The following SHROOM2 variants were observed in gnomAD, a reference collection of about 807,000 sequenced individuals.
SHROOM2 encodes shroom family member 2, also known as protein Shroom2.
SHROOM2 carries 33 observed loss-of-function variants against 75.9 expected under a neutral mutation model. That is an observed-to-expected ratio of 0.43 (90% CI 0.33 to 0.58). The LOEUF is 0.58. SHROOM2 is among the 20% of genes least tolerant of loss of function. The pLI is 0.04. For missense variants in SHROOM2, 1,434 were observed against 1,461.2 expected (o/e 0.98, Z 0.30); for synonymous variants, 655 against 663.6 (o/e 0.99, Z 0.20).
At position 9,876,803 on chromosome X, in the gene SHROOM2, C is replaced by T. The variant is rs376670275; in HGVS notation, c.317+3000C>T. ...CATCTCTGTGTAAAGCACAGGAATC[C>T]GTGGTTTTTTGTTTGTTAAAGACAG... On this transcript the variant is annotated intron_variant, in intron 2 of 9. Transcript: ENST00000380913. Among the ~76,000 whole-genome samples the T allele has an allele frequency of 2.1e-4, 23 of 112,111 alleles. 1 individual carries two copies. In the East Asian group the frequency reaches 3.1e-3, roughly 15 times the overall value.
At chrX:9,883,429 G>A (rs1158126032) in intron 2 of SHROOM2, among the ~76,000 whole-genome samples, 1 of 111,929 alleles carries the variant, frequency 8.9e-6, no homozygotes, top group Non-Finnish European at 1.9e-5. Context: ...CCAGCACCCA[G>A]TGGCTCACAC....
At chrX:9,944,267 C>G (rs1178988663) in intron 8 of SHROOM2, among the ~76,000 whole-genome samples, 1 of 112,198 alleles carries the variant, frequency 8.9e-6, no homozygotes, top group Non-Finnish European at 1.9e-5. Flanking sequence ...TACTTTCTCT[C>G]TATGTGAATC....
chrX:9,896,369 A>C lies in SHROOM2; in HGVS notation c.2461A>C (p.Ile821Leu), dbSNP rs141610350. 1.4e-4 allele frequency: 165 copies of C among 1,211,329 alleles called. No individual in the cohort carries two copies. In the African/African-American group the frequency reaches 2.3e-3, roughly 17 times the overall value. ...TGCCCAGAAGCAAGCTCTTCACGGA[A>C]TCCCGAGAGACAAGCCAGAGAGGCC... Reference protein sequence around the residue: ...RPAQKQALHGIPRDKPERPRT... With the variant: ...RPAQKQALHGLPRDKPERPRT... The change falls in exon 4 of 10, where the codon ATC becomes CTC. Residue 821 changes from isoleucine (I) to leucine (L), a missense_variant. By Grantham distance (5) the Ile-to-Leu change is conservative. Around this residue, in one of 3 missense-constraint regions of SHROOM2, gnomAD observed 1,340 missense variants for 1,338.3 expected, o/e 1.00. Transcript: ENST00000380913.
At chrX:9,894,292 G>A (rs1020562327) in intron 3 of SHROOM2, 66 bp from the exon 4 acceptor site, 12 of 1,064,448 alleles carry the variant, frequency 1.1e-5, no homozygotes, top group African/African-American at 1.1e-4. Context: ...TGCGTCCACC[G>A]CCTTGCCCTT....
intron 1 of SHROOM2, among the ~76,000 whole-genome samples, chrX:9,872,293 G>A (rs958972509): frequency 1.3e-4 from 15 of 113,006 alleles, no homozygotes; most frequent in Non-Finnish European, 2.6e-4. Flanking sequence ...GGCCGCGCAC[G>A]GTGGCTCACG....
At chrX:9,799,157 CTTTTTTTTTTTT>C (rs58508176) in intron 1 of SHROOM2, among the ~76,000 whole-genome samples, 29,741 of 61,068 alleles carry the variant, frequency 0.49, 6,228 homozygotes, top group Non-Finnish European at 0.6. Flanking sequence ...GAGTTTAATT[CTTTTTTTTTTTT>C]TTTTTTTTTT....
intron 6 of SHROOM2, among the ~76,000 whole-genome samples, chrX:9,934,929 C>T (rs766390936): frequency 9.0e-6 from 1 of 110,876 alleles, no homozygotes; most frequent in African/African-American, 3.3e-5. Context: ...CCTGCCACCA[C>T]ACCAGGCTGA....
At chrX:9,919,632 G>A (rs1045361440) in intron 5 of SHROOM2, among the ~76,000 whole-genome samples, 31 of 110,195 alleles carry the variant, frequency 2.8e-4, no homozygotes, top group East Asian at 5.7e-4. Flanking sequence ...ACCCGGCCCC[G>A]CATTTCACTG....
At chrX:9,941,713 T>A (rs893025264) in intron 8 of SHROOM2, among the ~76,000 whole-genome samples, 10 of 110,653 alleles carry the variant, frequency 9.0e-5, no homozygotes, top group Non-Finnish European at 1.7e-4. Flanking sequence ...GGCTCACGCT[T>A]GTAATCCCAG....
chrX:9,903,421 T>C (rs932869139), intron 5 of SHROOM2, among the ~76,000 whole-genome samples: 6 of 112,904 alleles, frequency 5.3e-5, no homozygotes, highest in Admixed American at 2.8e-4. Flanking sequence ...TACTGCATGC[T>C]GAGCAGAAAG....
chrX:9,898,046 G>C (rs2084344300), intron 4 of SHROOM2, 144 bp from the exon 5 acceptor site: 1 of 515,866 alleles, frequency 1.9e-6, no homozygotes, highest in African/African-American at 2.3e-5. Flanking sequence ...AAGTGGACGT[G>C]GGGTCTTATT....
intron 9 of SHROOM2, among the ~76,000 whole-genome samples, chrX:9,945,957 T>G (rs1312567608): frequency 1.8e-5 from 2 of 113,009 alleles, no homozygotes; most frequent in African/African-American, 3.2e-5. Flanking sequence ...AGAAGCACCC[T>G]TCCCCTTTCT....
At chrX:9,935,477 G>A (rs1474655345) in intron 6 of SHROOM2, among the ~76,000 whole-genome samples, 2 of 111,228 alleles carry the variant, frequency 1.8e-5, no homozygotes, top group Non-Finnish European at 3.8e-5. Flanking sequence ...ACTGTGCCTA[G>A]CCAGGGTTTT....
At chrX:9,843,644 A>C (rs781742154) in intron 1 of SHROOM2, among the ~76,000 whole-genome samples, 1 of 112,222 alleles carries the variant, frequency 8.9e-6, no homozygotes, top group South Asian at 3.7e-4. Context: ...CAAGTGATCC[A>C]CCTGCGTCAG....
At chrX:9,936,331 C>T (rs762248229) in intron 6 of SHROOM2, among the ~76,000 whole-genome samples, 115 of 110,243 alleles carry the variant, frequency 1.0e-3, no homozygotes, top group African/African-American at 3.6e-3. Flanking sequence ...AGGTGGGTCT[C>T]GAACTCCTGA....
chrX:9,879,868 G>A (rs2084221900), intron 2 of SHROOM2, among the ~76,000 whole-genome samples: 1 of 112,178 alleles, frequency 8.9e-6, no homozygotes, highest in Non-Finnish European at 1.9e-5. Context: ...GTTAGCATTA[G>A]CCTTAACGAT....
intron 1 of SHROOM2, among the ~76,000 whole-genome samples, chrX:9,851,631 A>ATT (rs746554166): frequency 4.4e-5 from 4 of 90,723 alleles, no homozygotes; most frequent in African/African-American, 8.1e-5. Flanking sequence ...AAATTTTTGT[A>ATT]TTTTTTTTTT....
intron 1 of SHROOM2, among the ~76,000 whole-genome samples, chrX:9,855,075 A>G (rs1208865428): frequency 9.4e-6 from 1 of 106,942 alleles, no homozygotes; most frequent in Non-Finnish European, 1.9e-5. Context: ...CTCTTTTTAA[A>G]AAAAAAAAAA....
At chrX:9,880,210 G>A (rs1437165351) in intron 2 of SHROOM2, among the ~76,000 whole-genome samples, 1 of 112,781 alleles carries the variant, frequency 8.9e-6, no homozygotes, top group East Asian at 2.8e-4. Flanking sequence ...GGGATCACGT[G>A]CTGACCTCTT....
Sources: allele counts gnomAD v4.1 joint callset (sites outside exome capture counted in the v4.1 genomes callset), GRCh38; gene constraint gnomAD v4.1.1; regional missense constraint gnomAD v4.1.1; transcripts MANE v1.5; gene names NCBI Gene and HGNC (gene_info 2026-07-23, HGNC 2026-07-21).